SLC23A3: variants seen among roughly 807,000 people sequenced by gnomAD.
SLC23A3 encodes the protein solute carrier family 23 member 3, also known as E2-binding protein 3.
Under a neutral mutation model 64.7 loss-of-function variants are expected in SLC23A3, and 41 were observed. The observed-to-expected ratio is 0.63, with a 90% CI of 0.49 to 0.82. The LOEUF is 0.82. SLC23A3 is among the 40% of genes least tolerant of loss of function. The pLI is 0.00. For missense variants in SLC23A3, 647 were observed against 733.4 expected, an observed-to-expected ratio of 0.88 and a Z score of 1.36; for synonymous variants, 281 against 306.8, an observed-to-expected ratio of 0.92 and a Z score of 0.88.
chr2:219,166,143 A>C (rs1351121350), intron 7 of SLC23A3, among the ~76,000 whole-genome samples: 1 of 152,144 alleles, frequency 6.6e-6, no homozygotes, highest in Admixed American at 6.5e-5. Context: ...AAAAAAAAAA[A>C]AAAAATTTAC....
chr2:219,169,690 G>A lies in SLC23A3; in HGVS notation c.163-12C>T. The A allele has an allele frequency of 6.2e-7, 1 of 1,613,924 alleles. No individual in the cohort carries two copies. The highest frequency in any genetic ancestry group is 8.5e-7 in the Non-Finnish European group (1 of 1,179,928). ...ATGACCAAGACATGCTGCAGGTGGA[G>A]GAATGGGGAGGGCAGTCTTCAGAGA... is the stretch of plus-strand genomic sequence containing the variant. On this transcript the variant is annotated splice_polypyrimidine_tract_variant and intron_variant, in intron 1 of 11. Transcript: ENST00000409878. The surrounding 1 kb of genome is among the most constrained non-coding windows in gnomAD (Gnocchi z 4.5).
At chr2:219,168,155 C>A in intron 6 of SLC23A3, 40 bp downstream of exon 6, 1 of 1,607,616 alleles carries the variant, frequency 6.2e-7, no homozygotes, top group South Asian at 1.1e-5. Flanking sequence ...TCCAGGCCAG[C>A]CCTTCTGACC....
rs944509358 is a variant in SLC23A3 at position 219,169,294 on chromosome 2, T to C, written c.418+15A>G. The C allele has an allele frequency of 1.9e-6, 3 of 1,614,042 alleles. No individual in the cohort carries two copies. The highest frequency in any genetic ancestry group is 2.5e-6 in the Non-Finnish European group (3 of 1,180,034). ...CCAGCCCCACCCTTACCCCTTGCCC[T>C]TGCTCTGTGCTCACAGTTTCCAGGT... On this transcript the variant is annotated intron_variant, in intron 3 of 11. Coordinates refer to ENST00000409878, the MANE Select transcript of SLC23A3 (RefSeq NM_001144889.2). This position sits in a 1 kb window ranked among gnomAD's most constrained non-coding sequence, Gnocchi z 4.5.
chr2:219,161,818 C>T lies in SLC23A3; in HGVS notation c.*91G>A, dbSNP rs996360440. The T allele has an allele frequency of 4.5e-5, 63 of 1,385,382 alleles. No homozygotes were observed. The highest frequency in any genetic ancestry group is 5.7e-5 in the Non-Finnish European group (58 of 1,017,000). The allele number at this position is 1,385,382 out of a possible 1,614,324, so 85.8% of individuals were successfully genotyped here. On this transcript the variant is annotated 3_prime_UTR_variant, in exon 12 of 12. Transcript: ENST00000409878. Reference sequence around the variant, plus strand: ...CCCATGTAATACACACACACATATCCTCTGCCTACAAGAAAGAACAGTTTG... The same window carrying T: ...CCCATGTAATACACACACACATATCTTCTGCCTACAAGAAAGAACAGTTTG...
chr2:219,168,693 C>G lies in SLC23A3; in HGVS notation c.633G>C (p.Glu211Asp). The G allele has an allele frequency of 6.2e-7, 1 of 1,613,908 alleles. No individual in the cohort carries two copies. The highest frequency in any genetic ancestry group is 8.5e-7 in the Non-Finnish European group (1 of 1,179,910). Reference sequence around the variant, plus strand: ...AGTGTGTGAAGCAGAACTGGGCTACCTCCCTGTGGGCAGAGAGCCCTGCCA... The same window carrying G: ...AGTGTGTGAAGCAGAACTGGGCTACGTCCCTGTGGGCAGAGAGCCCTGCCA... ...LVVAGLSAHR[E>D]VAQFCFTHWG... The change falls in exon 5 of 12, where the codon GAG (glutamate) becomes GAC (aspartate). Residue 211 changes from glutamate (E) to aspartate (D), a missense_variant. Coordinates refer to ENST00000409878, the MANE Select transcript of SLC23A3 (RefSeq NM_001144889.2).
In SLC23A3 at chr2:219,161,838, A is replaced by C. The variant is rs1227896561; in HGVS notation, c.*71T>G. 3.4e-6 allele frequency: 5 copies of C among 1,466,830 alleles called. No homozygotes were observed. The African/African-American group carries it at 5.7e-5, about 17-fold the overall frequency. The allele number at this position is 1,466,830 out of a possible 1,614,324, so 90.9% of individuals were successfully genotyped here. A position where few individuals can be genotyped will look rare whatever the true frequency, so the allele number is the denominator to read the frequency against. ...ATATCCTCTGCCTACAAGAAAGAACAGTTTGGGAGCTGACTCTCCAGCAGA... is the reference window on the plus strand; with the variant it reads ...ATATCCTCTGCCTACAAGAAAGAACCGTTTGGGAGCTGACTCTCCAGCAGA... On this transcript the variant is annotated 3_prime_UTR_variant, in exon 12 of 12. Coordinates refer to ENST00000409878, the MANE Select transcript of SLC23A3 (RefSeq NM_001144889.2).
chr2:219,167,625 C>G (rs576690404), intron 7 of SLC23A3, among the ~76,000 whole-genome samples: 37 of 151,404 alleles, frequency 2.4e-4, no homozygotes, highest in Admixed American at 1.4e-3. Flanking sequence ...ACCTGTAGTC[C>G]CAGCTACTCC....
At chr2:219,167,114 C>A (rs1330006099) in intron 7 of SLC23A3, among the ~76,000 whole-genome samples, 2 of 151,998 alleles carry the variant, frequency 1.3e-5, no homozygotes, top group African/African-American at 4.8e-5. Flanking sequence ...CAAAAATTAG[C>A]CAGGCATGGT....
rs1202511980 is a variant in SLC23A3, at chr2:219,167,993, T to C, written c.850A>G (p.Ser284Gly). Residue 284 changes from serine to glycine, a missense_variant, in exon 7 of 12, where the codon AGT (serine) becomes GGT (glycine). Physicochemically the swap from Ser to Gly is moderately conservative, Grantham distance 56 (BLOSUM62 0). Coordinates refer to ENST00000409878, the MANE Select transcript of SLC23A3 (RefSeq NM_001144889.2). Reference protein sequence around the residue: ...VWIVSAFVGFSVIPQELSAPT... With the variant: ...VWIVSAFVGFGVIPQELSAPT... ...GCAGACAGTTCCTGGGGGATAACAC[T>C]GAATCCCACAAAGGCAGAAACAATC... The C allele has an allele frequency of 5.7e-6, 9 of 1,590,108 alleles. No individual in the cohort carries two copies. In the Admixed American group the frequency reaches 5.8e-5, roughly 10 times the overall value.
At chr2:219,168,447 T>C in intron 5 of SLC23A3, 129 bp from the exon 6 acceptor site, 2 of 1,238,974 alleles carry the variant, frequency 1.6e-6, no homozygotes, top group South Asian at 1.6e-5. Context: ...ATGGAAGGAA[T>C]AGGAAGTGAC....
chr2:219,162,276 G>C (rs762417731), intron 11 of SLC23A3, 23 bp downstream of exon 11: 2 of 1,613,762 alleles, frequency 1.2e-6, no homozygotes, highest in Non-Finnish European at 8.5e-7. Context: ...TCCCCAGTCT[G>C]CTAGGGCCTA....
rs369924092 is a variant in SLC23A3, at chr2:219,164,236, C to T, written c.1270G>A (p.Val424Ile). Reference sequence around the variant, plus strand: ...CCCTGTTGATACATCCACTCACCAACAACAGGCAGTGGGATGGTGGTGAGG... The same window carrying T: ...CCCTGTTGATACATCCACTCACCAATAACAGGCAGTGGGATGGTGGTGAGG... The part of the protein sequence containing the change: ...QLLTTIPLPV[V>I]GGVLGVTQAV... The change falls in exon 9 of 12, where the codon GTT becomes ATT. Residue 424 changes from valine to isoleucine, a missense_variant. Coordinates refer to ENST00000409878, the MANE Select transcript of SLC23A3 (RefSeq NM_001144889.2). The T allele has an allele frequency of 3.1e-6, 5 of 1,605,138 alleles. No homozygotes were observed. The African/African-American group carries it at 5.4e-5, about 17-fold the overall frequency.
rs767074200 is a variant in SLC23A3, at chr2:219,169,385, T to C, written c.342A>G (p.Pro114=). ...MGSRLPLVQA[P]SLEFLIPALV... is the part of the protein sequence containing the mutation. ...GAGCAGGGATAAGGAACTCTAAGGA[T>C]GGAGCCTGGACAAGAGGCAGCCTGT... Residue 114 remains proline (P), a synonymous_variant, in exon 3 of 12, where the codon CCA becomes CCG. Transcript: ENST00000409878. The surrounding 1 kb of genome is among the most constrained non-coding windows in gnomAD (Gnocchi z 4.5). 6.2e-7 allele frequency: 1 copy of C among 1,614,136 alleles called. No individual in the cohort carries two copies. The highest frequency in any genetic ancestry group is 8.5e-7 in the Non-Finnish European group (1 of 1,180,028).
At chr2:219,165,555 A>C in intron 7 of SLC23A3, 133 bp from the exon 8 acceptor site, 1 of 1,107,390 alleles carries the variant, frequency 9.0e-7, no homozygotes, top group Non-Finnish European at 1.3e-6. Flanking sequence ...AAAACTACTG[A>C]ACTCTAAGGA....
Position 219,167,954 on chromosome 2 carries a change from G to A in SLC23A3, c.889C>T (p.Pro297Ser), listed in dbSNP as rs1950020196. Residue 297 changes from proline to serine, a missense_variant, in exon 7 of 12, where the codon CCA (proline) becomes TCA (serine). Physicochemically the swap from Pro to Ser is moderately conservative, Grantham distance 74. Coordinates refer to ENST00000409878, the MANE Select transcript of SLC23A3 (RefSeq NM_001144889.2). Reference protein sequence around the residue: ...PQELSAPTKAPWIWLPHPGEW... With the variant: ...PQELSAPTKASWIWLPHPGEW... ...CCTGGGTGAGGCAGCCAAATCCATG[G>A]TGCCTTGGTGGGGGCAGACAGTTCC... is the stretch of plus-strand genomic sequence containing the variant. 5.7e-6 allele frequency: 9 copies of A among 1,582,674 alleles called. No homozygotes were observed. Among genetic ancestry groups the A allele is most frequent in the South Asian group, 1.2e-5 (1 of 84,954 alleles).
At position 219,165,424 on chromosome 2, in the gene SLC23A3, T is replaced by C. The variant is rs1574759055; in HGVS notation, c.914-2A>G. 5.2e-6 allele frequency: 8 copies of C among 1,544,002 alleles called. No homozygotes were observed. The highest frequency in any genetic ancestry group is 2.1e-5 in the Admixed American group (1 of 48,644). On this transcript the variant is annotated splice_acceptor_variant, in intron 7 of 11. Transcript: ENST00000409878. LOFTEE classifies it high-confidence loss of function. The stretch of plus-strand genomic sequence containing the variant: ...TCAGCAAAGGCCAATTCCACTCACC[T>C]GGGGAGGGAGAAGAAGCCACTTTGG...
At chr2:219,168,983 C>A (rs759232784) in intron 4 of SLC23A3, 46 bp downstream of exon 4, 21 of 1,591,588 alleles carry the variant, frequency 1.3e-5, no homozygotes, top group East Asian at 6.7e-5. Flanking sequence ...AGAGCCCCCC[C>A]CAAGCCTGGC....
intron 9 of SLC23A3, 107 bp from the exon 10 acceptor site, chr2:219,163,662 A>G (rs771961417): frequency 7.4e-5 from 84 of 1,131,990 alleles, no homozygotes; most frequent in Non-Finnish European, 9.9e-5. Flanking sequence ...AATAAAACCC[A>G]AGAGAATGAT....
At position 219,168,032 on chromosome 2, in the gene SLC23A3, C is replaced by T; in HGVS notation, c.811G>A (p.Val271Met). The T allele has an allele frequency of 6.3e-7, 1 of 1,585,212 alleles. No individual in the cohort carries two copies. Among genetic ancestry groups the T allele is most frequent in the Non-Finnish European group, 8.5e-7 (1 of 1,169,970 alleles). The part of the protein sequence containing the change: ...VFRLLSVLIP[V>M]ACVWIVSAFV... ...GCAGAAACAATCCACACACAGGCCACTGGGATCAGCACCTGAGGGGCGAGA... is the reference window on the plus strand; with the variant it reads ...GCAGAAACAATCCACACACAGGCCATTGGGATCAGCACCTGAGGGGCGAGA... Residue 271 changes from valine (V) to methionine (M), a missense_variant, in exon 7 of 12, where the codon GTG becomes ATG. Physicochemically the swap from Val to Met is conservative, Grantham distance 21 (BLOSUM62 1). Transcript: ENST00000409878.
Sources: gnomAD v4.1 joint callset for allele counts (sites outside exome capture counted in the v4.1 genomes callset) on GRCh38, gnomAD v4.1.1 for gene constraint, Gnocchi (gnomAD v3.1) non-coding constraint, MANE v1.5 for transcripts, NCBI Gene and HGNC (gene_info 2026-07-23, HGNC 2026-07-21) for gene names.